BBS1: variants seen among roughly 807,000 people sequenced by gnomAD.
The protein encoded by BBS1 is Bardet-Biedl syndrome 1.
In BBS1, 60 loss-of-function variants were observed where a neutral mutation model predicts 73.9. That is an observed-to-expected ratio of 0.81 (90% CI 0.66 to 1.01). The LOEUF (loss-of-function observed/expected upper bound fraction) is 1.01. Ranked by LOEUF, BBS1 falls within the 50% of genes least tolerant of loss-of-function variation. The probability of loss-of-function intolerance (pLI) is 0.00; values close to 1 mark genes in which losing one functional copy is unlikely to be tolerated. For missense variants in BBS1, 718 were observed against 770.3 expected, an observed-to-expected ratio of 0.93 and a Z score of 0.80; for synonymous variants, 283 against 317.4, an observed-to-expected ratio of 0.89 and a Z score of 1.15.
chr11:66,514,720 T>G (rs1195060353), intron 4 of BBS1, 42 bp downstream of exon 4: 3 of 1,600,536 alleles, frequency 1.9e-6, no homozygotes, highest in Non-Finnish European at 8.5e-7. Context: ...AAGGCAAAGA[T>G]GGCAGCCACT....
intron 8 of BBS1, 103 bp from the exon 9 acceptor site, chr11:66,521,166 AG>A (rs1398577683): frequency 1.2e-6 from 1 of 851,304 alleles, no homozygotes; most frequent in Non-Finnish European, 2.0e-6. Flanking sequence ...GTAAGTGAGG[AG>A]ATTGGGACTT....
At chr11:66,514,778 A>G in intron 4 of BBS1, 100 bp downstream of exon 4, 1 of 1,408,934 alleles carries the variant, frequency 7.1e-7, no homozygotes, top group Non-Finnish European at 9.9e-7. Flanking sequence ...TGGTGGCAGG[A>G]GGTCAGCTAT....
intron 3 of BBS1, among the ~76,000 whole-genome samples, chr11:66,513,209 T>C (rs1855986528): frequency 6.6e-6 from 1 of 150,480 alleles, no homozygotes; most frequent in Non-Finnish European, 1.5e-5. Flanking sequence ...GAACTGGGCA[T>C]TGAAGGATGA....
In BBS1 at chr11:66,511,058, G is replaced by C. The variant is rs1319049359; in HGVS notation, c.93G>C (p.Met31Ile). The C allele has an allele frequency of 6.2e-7, 1 of 1,613,986 alleles. No individual in the cohort carries two copies. Among genetic ancestry groups the C allele is most frequent in the Middle Eastern group, 1.6e-4 (1 of 6,084 alleles). The change falls in exon 2 of 17, where the codon ATG (methionine) becomes ATC (isoleucine). Residue 31 changes from methionine (M) to isoleucine (I), a missense_variant. Transcript: ENST00000318312. ...GGTTGGATGCGCACTACGACCCAAT[G>C]GCCAATATCCACACCTTTTCTGCCT... is the stretch of plus-strand genomic sequence containing the variant. The part of the protein sequence containing the change: ...SKWLDAHYDP[M>I]ANIHTFSACL...
intron 9 of BBS1, among the ~76,000 whole-genome samples, chr11:66,521,941 G>A (rs532586910): frequency 7.0e-5 from 10 of 143,474 alleles, no homozygotes; most frequent in East Asian, 2.1e-4. Context: ...GGGGGGTGCC[G>A]GGTGCATTGC....
chr11:66,523,382 T>C, intron 9 of BBS1, 74 bp from the exon 10 acceptor site: 1 of 1,609,752 alleles, frequency 6.2e-7, no homozygotes, highest in Non-Finnish European at 8.5e-7. Flanking sequence ...CCATGAGGTT[T>C]AGACAGAGGA....
rs1432629236 is a variant in BBS1 at position 66,514,615 on chromosome 11, G to C, written c.369G>C (p.Lys123Asn). 2 of 1,613,828 alleles carry C rather than the reference G, an allele frequency of 1.2e-6. No individual in the cohort carries two copies. Among genetic ancestry groups the C allele is most frequent in the African/African-American group, 2.7e-5 (2 of 75,030 alleles). The change falls in exon 4 of 17, where the codon AAG (lysine) becomes AAC (asparagine). Residue 123 changes from lysine to asparagine, a missense_variant. Coordinates refer to ENST00000318312, the MANE Select transcript of BBS1 (RefSeq NM_024649.5). ...YVYKNLRPYF[K>N]FSLPQLPPNP... ...ATAAGAATCTCAGACCCTACTTCAA[G>C]TTCAGCCTGCCCCAATTGCCTCCAA...
Position 66,530,992 on chromosome 11 carries a change from C to T in BBS1, c.1572C>T (p.Asn524=), listed in dbSNP as rs757866253. The T allele has an allele frequency of 1.3e-5, 21 of 1,614,096 alleles. No individual in the cohort carries two copies. The highest frequency in any genetic ancestry group is 6.6e-5 in the South Asian group (6 of 91,094). The change falls in exon 15 of 17, where the codon AAC becomes AAT. Residue 524 remains asparagine, a synonymous_variant. Transcript: ENST00000318312. ...VLGLLVCFLY[N]EALYSLPRAF... Reference sequence around the variant, plus strand: ...GGCTGCTGGTCTGCTTCCTGTACAACGAGGCGCTCTATTCCCTGCCCCGGG... The same window carrying T: ...GGCTGCTGGTCTGCTTCCTGTACAATGAGGCGCTCTATTCCCTGCCCCGGG...
At chr11:66,524,014 T>G in intron 11 of BBS1, 132 bp downstream of exon 11, 1 of 1,335,082 alleles carries the variant, frequency 7.5e-7, no homozygotes, top group South Asian at 1.2e-5. Flanking sequence ...GCACAGTGGC[T>G]CATGCCTGTA....
Position 66,526,149 on chromosome 11 carries a change from C to T in BBS1, c.1137C>T (p.Gly379=). The change falls in exon 12 of 17, where the codon GGC becomes GGT. Residue 379 remains glycine, a synonymous_variant. Transcript: ENST00000318312. ...ATGCAGTGACCAGCCTTTGCTTTGG[C>T]CGGTACGGGCGGGAGGACAACACCC... ...TPDAVTSLCF[G]RYGREDNTLI... is the part of the protein sequence containing the mutation. 1.9e-6 allele frequency: 3 copies of T among 1,614,180 alleles called. No homozygotes were observed. In the South Asian group the frequency reaches 3.3e-5, roughly 18 times the overall value.
At chr11:66,520,418 G>C (rs1237544982) in intron 8 of BBS1, 2 of 153,586 alleles carry the variant, frequency 1.3e-5, no homozygotes, top group African/African-American at 2.4e-5. Flanking sequence ...CTGAGTAGCT[G>C]GGACTGCAGG....
chr11:66,526,272 T>A, intron 12 of BBS1, 80 bp downstream of exon 12: 1 of 1,419,740 alleles, frequency 7.0e-7, no homozygotes, highest in Non-Finnish European at 9.9e-7. Flanking sequence ...GAGGAGGAGG[T>A]GGAAATGAAG....
chr11:66,531,123 C>T lies in BBS1; in HGVS notation c.1608+95C>T, dbSNP rs2305532. On this transcript the variant is annotated intron_variant, in intron 15 of 16. Coordinates refer to ENST00000318312, the MANE Select transcript of BBS1 (RefSeq NM_024649.5). ...GAGCCCCGCCAGGTCAGGGTCAGAG[C>T]GTGCGGGTGGCTGCCAGGTGGCCAG... 0.23 allele frequency: 359,308 copies of T among 1,536,344 alleles called. 43,834 individuals carry two copies. The highest frequency in any genetic ancestry group is 0.26 in the East Asian group (10,952 of 41,884).
intron 7 of BBS1, 58 bp downstream of exon 7, chr11:66,515,991 C>G: frequency 6.5e-7 from 1 of 1,543,126 alleles, no homozygotes; most frequent in South Asian, 1.1e-5. Context: ...TTTTAAAAGA[C>G]CACTTAACAT....
chr11:66,527,668 C>CAAAAAAAAA (rs58165767), intron 13 of BBS1: 1 of 57,968 alleles, frequency 1.7e-5, no homozygotes, highest in Non-Finnish European at 3.2e-5. Flanking sequence ...GACTCCGTCT[C>CAAAAAAAAA]AAAAAAAAAA....
intron 13 of BBS1, chr11:66,529,247 CG>C (rs1200530175): frequency 5.6e-5 from 85 of 1,513,210 alleles, no homozygotes; most frequent in Admixed American, 4.8e-4. Context: ...ATCCTGCAAA[CG>C]GTGAGATGTG....
chr11:66,529,119 A>G (rs1379485852), intron 13 of BBS1: 1 of 984,892 alleles, frequency 1.0e-6, no homozygotes, highest in Non-Finnish European at 1.2e-6. Flanking sequence ...AAGCCACTTC[A>G]CACATAAACG....
At chr11:66,516,122 CTTTTTTTTTTT>C (rs35735110) in intron 7 of BBS1, among the ~76,000 whole-genome samples, 189 bp downstream of exon 7, 1 of 99,356 alleles carries the variant, frequency 1.0e-5, no homozygotes, top group Non-Finnish European at 2.0e-5. Flanking sequence ...GTAGTGACAG[CTTTTTTTTTTT>C]TTTTTTTTTT....
In BBS1 at chr11:66,530,990, A is replaced by C; in HGVS notation, c.1570A>C (p.Asn524His). 1.2e-6 allele frequency: 2 copies of C among 1,614,150 alleles called. No individual in the cohort carries two copies. The part of the protein sequence containing the change: ...VLGLLVCFLY[N>H]EALYSLPRAF... ...GGGGCTGCTGGTCTGCTTCCTGTAC[A>C]ACGAGGCGCTCTATTCCCTGCCCCG... Residue 524 changes from asparagine to histidine, a missense_variant, in exon 15 of 17, where the codon AAC becomes CAC. Coordinates refer to ENST00000318312, the MANE Select transcript of BBS1 (RefSeq NM_024649.5).
Sources: gnomAD v4.1 joint callset for allele counts (sites outside exome capture counted in the v4.1 genomes callset) on GRCh38, gnomAD v4.1.1 for gene constraint, MANE v1.5 for transcripts, NCBI Gene and HGNC (gene_info 2026-07-23, HGNC 2026-07-21) for gene names.